Variants in PPM1H observed in about 807,000 individuals in gnomAD.
The protein encoded by PPM1H is protein phosphatase, Mg2+/Mn2+ dependent 1H, also known as protein phosphatase 1H.
In PPM1H, 27 loss-of-function variants were observed where a neutral mutation model predicts 54.9. That is an observed-to-expected ratio of 0.49 (90% CI 0.36 to 0.68). PPM1H has a LOEUF of 0.68. PPM1H is among the 30% of genes least tolerant of loss of function. The pLI is 0.00. For synonymous variants in PPM1H, 305 were observed against 270.8 expected, an observed-to-expected ratio of 1.13 and a Z score of -1.24; for missense variants, 596 against 667.8, an observed-to-expected ratio of 0.89 and a Z score of 1.19.
At chr12:62,719,370 G>T (rs1319335967) in intron 6 of PPM1H, among the ~76,000 whole-genome samples, 1 of 152,152 alleles carries the variant, frequency 6.6e-6, no homozygotes, top group African/African-American at 2.4e-5. Context: ...TTCTCATATG[G>T]TCTCCAGACT....
rs896039917 is a variant in PPM1H at position 62,661,172 on chromosome 12, C to G, written c.1397+6006G>C. Among the ~76,000 whole-genome samples the G allele has an allele frequency of 2.0e-5, 3 of 152,158 alleles. No homozygotes were observed. In the East Asian group the frequency reaches 5.8e-4, roughly 29 times the overall value. On this transcript the variant is annotated intron_variant, in intron 9 of 9. Coordinates refer to ENST00000228705, the MANE Select transcript of PPM1H (RefSeq NM_020700.2). Reference sequence around the variant, plus strand: ...CCCAACTCCCCTGACCCTTGCCTCGCTCCTGTTTATTCTTCAGGTTTAAGT... The same window carrying G: ...CCCAACTCCCCTGACCCTTGCCTCGGTCCTGTTTATTCTTCAGGTTTAAGT...
intron 2 of PPM1H, among the ~76,000 whole-genome samples, chr12:62,823,812 G>A (rs1022753438): frequency 1.3e-5 from 2 of 152,134 alleles, no homozygotes; most frequent in African/African-American, 4.8e-5. Flanking sequence ...GGCAAAAACT[G>A]GAAGCATTCC....
intron 5 of PPM1H, among the ~76,000 whole-genome samples, chr12:62,732,230 C>T (rs187128452): frequency 1.3e-5 from 2 of 152,308 alleles, no homozygotes; most frequent in East Asian, 3.9e-4. Context: ...ATTAATCACC[C>T]TGCCTGAGAA....
intron 9 of PPM1H, among the ~76,000 whole-genome samples, chr12:62,666,796 C>T (rs1046923538): frequency 8.5e-5 from 13 of 152,144 alleles, no homozygotes; most frequent in Non-Finnish European, 1.6e-4. Flanking sequence ...TCACTGCAAC[C>T]TCTACCTCCC....
chr12:62,802,964 T>C (rs1378733303), intron 2 of PPM1H, among the ~76,000 whole-genome samples: 1 of 151,748 alleles, frequency 6.6e-6, no homozygotes, highest in Non-Finnish European at 1.5e-5. Flanking sequence ...ACGCCCTTTC[T>C]CAGGTTTTCC....
At chr12:62,732,462 T>A (rs1156928152) in intron 5 of PPM1H, among the ~76,000 whole-genome samples, 1 of 152,232 alleles carries the variant, frequency 6.6e-6, no homozygotes, top group Non-Finnish European at 1.5e-5. Flanking sequence ...TCTGACCACC[T>A]TCTTCACTAG....
chr12:62,787,439 A>G (rs2076679492), intron 4 of PPM1H, among the ~76,000 whole-genome samples: 1 of 152,208 alleles, frequency 6.6e-6, no homozygotes, highest in Non-Finnish European at 1.5e-5. Context: ...GCGGTGGAGA[A>G]GTGTGTAATA....
At chr12:62,692,932 G>GACACAC (rs71278272) in intron 7 of PPM1H, among the ~76,000 whole-genome samples, 56,775 of 146,614 alleles carry the variant, frequency 0.39, 11,336 homozygotes, top group South Asian at 0.47. Context: ...CTTTTGCTCT[G>GACACAC]ACACACACAC....
At chr12:62,879,619 G>A (rs1870317327) in intron 1 of PPM1H, among the ~76,000 whole-genome samples, 1 of 152,112 alleles carries the variant, frequency 6.6e-6, no homozygotes, top group South Asian at 2.1e-4. Context: ...TTGGGGTACG[G>A]GAGGTTGGGG....
At chr12:62,791,858 AG>A (rs1253247432) in intron 3 of PPM1H, among the ~76,000 whole-genome samples, 9 of 152,162 alleles carry the variant, frequency 5.9e-5, no homozygotes, top group Non-Finnish European at 1.0e-4. Flanking sequence ...CGGGAGCCGG[AG>A]GTTGCAGTGA....
intron 1 of PPM1H, among the ~76,000 whole-genome samples, chr12:62,855,223 C>G (rs1869339292): frequency 6.6e-6 from 1 of 152,144 alleles, no homozygotes; most frequent in South Asian, 2.1e-4. Context: ...TCCTGGCAAA[C>G]CATGATGTTG....
chr12:62,760,366 T>C (rs2076501200), intron 4 of PPM1H, among the ~76,000 whole-genome samples: 1 of 152,092 alleles, frequency 6.6e-6, no homozygotes, highest in South Asian at 2.1e-4. Context: ...GTCTTGTGAA[T>C]CTTCCCTTTC....
chr12:62,795,373 C>A (rs555325898), intron 3 of PPM1H, among the ~76,000 whole-genome samples: 13 of 152,004 alleles, frequency 8.6e-5, no homozygotes, highest in Admixed American at 4.6e-4. Flanking sequence ...TTTAGAATAT[C>A]AAAATAAATA....
chr12:62,668,200 T>C (rs1381479940), intron 8 of PPM1H, among the ~76,000 whole-genome samples: 1 of 152,268 alleles, frequency 6.6e-6, no homozygotes, highest in East Asian at 1.9e-4. Flanking sequence ...TCTATGTCCA[T>C]CCTACTTCAA....
chr12:62,907,673 A>G (rs1871340527), intron 1 of PPM1H, among the ~76,000 whole-genome samples: 3 of 152,216 alleles, frequency 2.0e-5, no homozygotes. Flanking sequence ...CTGAATCTCA[A>G]TAGTGCTCTG....
chr12:62,699,260 G>A (rs1005734156), intron 6 of PPM1H, among the ~76,000 whole-genome samples: 7 of 152,076 alleles, frequency 4.6e-5, no homozygotes, highest in Non-Finnish European at 8.8e-5. Context: ...GCAATGGTGC[G>A]ATCTTGGCTC....
At chr12:62,926,747 G>A (rs899251270) in intron 1 of PPM1H, among the ~76,000 whole-genome samples, 10 of 152,294 alleles carry the variant, frequency 6.6e-5, no homozygotes, top group Middle Eastern at 3.4e-3. Flanking sequence ...CTGAGGTTGG[G>A]AGCTTGAGAC....
At chr12:62,658,182 ATT>A (rs1173229360) in intron 9 of PPM1H, among the ~76,000 whole-genome samples, 272 of 87,508 alleles carry the variant, frequency 3.1e-3, no homozygotes, top group African/African-American at 5.0e-3. Flanking sequence ...AACACGGTGA[ATT>A]TTTTTTTTTT....
At chr12:62,726,290 GTCTA>G (rs1456192591) in intron 5 of PPM1H, among the ~76,000 whole-genome samples, 14 of 152,246 alleles carry the variant, frequency 9.2e-5, no homozygotes, top group Admixed American at 5.2e-4. Flanking sequence ...ACGGTTATTA[GTCTA>G]TCTTTTTGTG....
Sources: allele counts gnomAD v4.1 joint callset (sites outside exome capture counted in the v4.1 genomes callset), GRCh38; gene constraint gnomAD v4.1.1; transcripts MANE v1.5; gene names NCBI Gene and HGNC (gene_info 2026-07-23, HGNC 2026-07-21).